Variants in GPR160 observed in about 807,000 individuals in gnomAD.
GPR160 encodes probable G protein-coupled receptor 160.
In GPR160, 2 loss-of-function variants were observed where a neutral mutation model predicts 2.6. The observed-to-expected ratio is 0.77, with a 90% CI of 0.32 to 2.44. GPR160 has a LOEUF of 2.44. Ranked by LOEUF, GPR160 falls within the 30% of genes most tolerant of loss-of-function variation. The probability of loss-of-function intolerance (pLI) is 0.11; values close to 1 mark genes in which losing one functional copy is unlikely to be tolerated. For missense variants in GPR160, 351 were observed against 383.6 expected (o/e 0.91, Z 0.71); for synonymous variants, 130 against 132.2 (o/e 0.98, Z 0.12).
intron 2 of GPR160, among the ~76,000 whole-genome samples, chr3:170,043,985 G>A (rs74888234): frequency 0.028 from 4,200 of 149,944 alleles, 191 homozygotes; most frequent in African/African-American, 0.098. Context: ...TTTTTTTAAC[G>A]GTAAGAGATC....
At chr3:170,057,117 G>A (rs935122102) in intron 2 of GPR160, among the ~76,000 whole-genome samples, 1 of 152,164 alleles carries the variant, frequency 6.6e-6, no homozygotes. Context: ...CAGGAGTTCA[G>A]GCTCCAAACA....
rs80076871 is a variant in GPR160 at position 170,054,276 on chromosome 3, C to A, written c.-193+15233C>A. 3.5e-3 allele frequency among the ~76,000 whole-genome samples: 527 copies of A among 151,998 alleles called. 12 individuals are homozygous for A. The East Asian group carries it at 0.088, about 25-fold the overall frequency. ...AGCTACATGAGTATAAGAAAGAAGA[C>A]CATCCCAGGCAGAATGGTCTTCTGA... is the stretch of plus-strand genomic sequence containing the variant. On this transcript the variant is annotated intron_variant, in intron 2 of 3. Coordinates refer to ENST00000355897, the MANE Select transcript of GPR160 (RefSeq NM_014373.3).
chr3:170,059,769 A>G (rs1159926575), intron 2 of GPR160, among the ~76,000 whole-genome samples: 1 of 152,062 alleles, frequency 6.6e-6, no homozygotes, highest in African/African-American at 2.4e-5. Flanking sequence ...GGTTTGCTGT[A>G]CAGATTATCC....
chr3:170,051,494 G>A (rs1160974376), intron 2 of GPR160, among the ~76,000 whole-genome samples: 1 of 152,186 alleles, frequency 6.6e-6, no homozygotes, highest in Admixed American at 6.5e-5. Flanking sequence ...GGAGGCCAAG[G>A]CCAGCAGATC....
At chr3:170,076,503 C>T (rs183950295) in intron 2 of GPR160, among the ~76,000 whole-genome samples, 1 of 152,178 alleles carries the variant, frequency 6.6e-6, no homozygotes, top group East Asian at 1.9e-4. Context: ...GTAATCAGTA[C>T]AGTCACTGTT....
intron 2 of GPR160, among the ~76,000 whole-genome samples, chr3:170,042,230 G>T (rs1716482069): frequency 6.6e-6 from 1 of 151,940 alleles, no homozygotes; most frequent in Admixed American, 6.6e-5. Flanking sequence ...GCAACATAGT[G>T]AGACCTTGAC....
In GPR160 at chr3:170,084,631, CTATCT is replaced by C. The variant is rs564340262; in HGVS notation, c.663_667del (p.Leu222PhefsTer14). 1.2e-6 allele frequency: 2 copies of C among 1,609,520 alleles called. No individual in the cohort carries two copies. The highest frequency in any genetic ancestry group is 1.1e-5 in the South Asian group (1 of 90,966). ...AGGATAACTTCCTATATGAATGAAA[CTATCT>C]TATATTTTCCTTTTTCATCCCACTC... On this transcript the variant is annotated frameshift_variant, in exon 4 of 4. Coordinates refer to ENST00000355897, the MANE Select transcript of GPR160 (RefSeq NM_014373.3). LOFTEE classifies it low-confidence loss of function (END_TRUNC).
intron 2 of GPR160, among the ~76,000 whole-genome samples, chr3:170,041,200 A>T (rs1462802533): frequency 6.6e-6 from 1 of 152,216 alleles, no homozygotes; most frequent in African/African-American, 2.4e-5. Context: ...AACAAGTCAA[A>T]GAGATGAGAT....
intron 2 of GPR160, chr3:170,062,508 A>G: frequency 1.6e-6 from 1 of 629,314 alleles, no homozygotes; most frequent in South Asian, 1.7e-5. Context: ...TCCACAGGAA[A>G]AGAATGCAAC....
rs756218773 is a variant in GPR160, at chr3:170,084,135, A to C, written c.163A>C (p.Met55Leu). ...MRRKNTCQNF[M>L]EYFCISLAFV... is the part of the protein sequence containing the mutation. ...AAGAAAAAACACCTGTCAAAATTTT[A>C]TGGAATATTTTTGCATTTCACTAGC... Residue 55 changes from methionine to leucine, a missense_variant, in exon 4 of 4, where the codon ATG becomes CTG. Transcript: ENST00000355897. 1 of 1,592,272 alleles carries C rather than the reference A, an allele frequency of 6.3e-7. No individual in the cohort carries two copies. The highest frequency in any genetic ancestry group is 1.1e-5 in the South Asian group (1 of 87,318).
At chr3:170,042,343 C>T (rs1417691698) in intron 2 of GPR160, among the ~76,000 whole-genome samples, 1 of 150,284 alleles carries the variant, frequency 6.7e-6, no homozygotes, top group Non-Finnish European at 1.5e-5. Context: ...ATTGCTTGAG[C>T]CTGGGAGGTT....
At chr3:170,050,061 C>T (rs1357464972) in intron 2 of GPR160, among the ~76,000 whole-genome samples, 1 of 150,408 alleles carries the variant, frequency 6.6e-6, no homozygotes, top group Non-Finnish European at 1.5e-5. Context: ...TCAGACAATT[C>T]CTTTTTTTTT....
chr3:170,052,556 C>A (rs1162970603), intron 2 of GPR160, among the ~76,000 whole-genome samples: 1 of 151,934 alleles, frequency 6.6e-6, no homozygotes, highest in Admixed American at 6.6e-5. Context: ...AAGTATTTTG[C>A]CCATTTTTGT....
At chr3:170,053,039 A>G (rs1380090760) in intron 2 of GPR160, among the ~76,000 whole-genome samples, 3 of 151,950 alleles carry the variant, frequency 2.0e-5, no homozygotes, top group African/African-American at 4.8e-5. Context: ...TCTTAAGCTC[A>G]TTGTCTTGAG....
intron 3 of GPR160, among the ~76,000 whole-genome samples, chr3:170,082,174 T>C (rs1713167761): frequency 6.6e-6 from 1 of 152,238 alleles, no homozygotes; most frequent in South Asian, 2.1e-4. Flanking sequence ...TGTACCTTTT[T>C]AGCCTTTTCC....
intron 2 of GPR160, chr3:170,077,957 A>C (rs1326228222): frequency 6.4e-6 from 1 of 155,686 alleles, no homozygotes; most frequent in Non-Finnish European, 1.4e-5. Context: ...AGTAATTGGA[A>C]TTGGAGCCCT....
intron 2 of GPR160, among the ~76,000 whole-genome samples, chr3:170,061,274 C>CAA (rs1167572507): frequency 4.3e-5 from 4 of 92,456 alleles, no homozygotes; most frequent in African/African-American, 8.4e-5. Flanking sequence ...GACTCTGTCT[C>CAA]AAAAAAAAAA....
At chr3:170,083,601 A>G (rs956138374) in intron 3 of GPR160, 1 of 156,238 alleles carries the variant, frequency 6.4e-6, no homozygotes, top group Non-Finnish European at 1.4e-5. Context: ...TGGCCCTGGT[A>G]GATAAAACCA....
chr3:170,044,434 G>A (rs553697831), intron 2 of GPR160, among the ~76,000 whole-genome samples: 5 of 151,978 alleles, frequency 3.3e-5, no homozygotes, highest in Admixed American at 1.3e-4. Flanking sequence ...TACAAGCCGC[G>A]TTGTCATTTT....
Sources: allele counts gnomAD v4.1 joint callset (sites outside exome capture counted in the v4.1 genomes callset), GRCh38; gene constraint gnomAD v4.1.1; transcripts MANE v1.5; gene names NCBI Gene and HGNC (gene_info 2026-07-23, HGNC 2026-07-21).